Variants in MED27 observed in about 807,000 individuals in gnomAD.
MED27 encodes the protein mediator of RNA polymerase II transcription subunit 27.
Under a neutral mutation model 38.2 loss-of-function variants are expected in MED27, and 30 were observed. That is an observed-to-expected ratio of 0.79 (90% confidence interval 0.59 to 1.07). MED27 has a LOEUF of 1.07. Among genes scored for constraint, MED27 ranks in the 50% least tolerant of loss-of-function variants. MED27 has a pLI of 0.00. For missense variants in MED27, 289 were observed against 397.5 expected, an observed-to-expected ratio of 0.73 and a Z score of 2.32; for synonymous variants, 122 against 153.5, an observed-to-expected ratio of 0.79 and a Z score of 1.52.
chr9:132,018,850 G>C (rs1832659194), intron 2 of MED27, among the ~76,000 whole-genome samples: 1 of 151,966 alleles, frequency 6.6e-6, no homozygotes, highest in African/African-American at 2.4e-5. Context: ...ATTCACCAAA[G>C]GCTTCTTTAA....
chr9:132,071,735 T>C (rs9411439), intron 2 of MED27, among the ~76,000 whole-genome samples: 111,139 of 151,210 alleles, frequency 0.73, 41,814 homozygotes, highest in Middle Eastern at 0.82. Flanking sequence ...ATACGAGTAA[T>C]GCACGTCCAT....
chr9:131,860,627 G>C lies in MED27; in HGVS notation c.847C>G (p.Arg283Gly). 2 of 1,612,338 alleles carry C rather than the reference G, an allele frequency of 1.2e-6. No homozygotes were observed. The highest frequency in any genetic ancestry group is 1.7e-6 in the Non-Finnish European group (2 of 1,179,334). ...YIKLFQAPCQRCGKFLQDGLP... is the reference protein window; with the variant it reads ...YIKLFQAPCQGCGKFLQDGLP... ...CCGTCCTGCAGAAACTTCCCGCAGC[G>C]CTGGCACGGGGCCTGGAACAGCTTT... Residue 283 changes from arginine (R) to glycine (G), a missense_variant, in exon 8 of 8, where the codon CGC (arginine) becomes GGC (glycine). By Grantham distance (125) the Arg-to-Gly change is moderately radical. Coordinates refer to ENST00000292035, the MANE Select transcript of MED27 (RefSeq NM_004269.4). The surrounding 1 kb of genome is among the most constrained non-coding windows in gnomAD (Gnocchi z 5.8).
In MED27 at chr9:131,917,627, G is replaced by T. The variant is rs1468642843; in HGVS notation, c.573+21754C>A. ...CAGGAAGAATGCATGTGGCATTGTG[G>T]GTGACAATGGGGATGCCACCCGCAA... On this transcript the variant is annotated intron_variant, in intron 4 of 7. Coordinates refer to ENST00000292035, the MANE Select transcript of MED27 (RefSeq NM_004269.4). The surrounding 1 kb of genome is among the most constrained non-coding windows in gnomAD (Gnocchi z 4.6). Among the ~76,000 whole-genome samples, 1 of 152,194 alleles carries T rather than the reference G, an allele frequency of 6.6e-6. No homozygotes were observed. The highest frequency in any genetic ancestry group is 1.9e-4 in the East Asian group (1 of 5,192).
chr9:132,050,557 T>C (rs1833442545), intron 2 of MED27, among the ~76,000 whole-genome samples: 1 of 152,144 alleles, frequency 6.6e-6, no homozygotes, highest in South Asian at 2.1e-4. Context: ...GAGTAGGAAA[T>C]CAATATAAGT....
chr9:132,037,127 TAAC>T (rs1833095830), intron 2 of MED27, among the ~76,000 whole-genome samples: 1 of 152,160 alleles, frequency 6.6e-6, no homozygotes, highest in East Asian at 1.9e-4. Context: ...AGGATGGCAG[TAAC>T]AACAGATGCT....
chr9:131,984,773 G>A (rs971796014), intron 3 of MED27, among the ~76,000 whole-genome samples: 3 of 152,140 alleles, frequency 2.0e-5, no homozygotes, highest in Admixed American at 1.3e-4. Context: ...TTCTCCTGGC[G>A]CTTCCTGACA....
At chr9:131,918,701 G>A (rs1361148029) in intron 4 of MED27, among the ~76,000 whole-genome samples, 1 of 151,408 alleles carries the variant, frequency 6.6e-6, no homozygotes, top group Admixed American at 6.6e-5. Flanking sequence ...TCCTGTACGC[G>A]GCCATTTTCT....
Position 131,939,481 on chromosome 9 carries a change from G to A in MED27, c.480-7C>T. ...GATCACATCATCAACATATCTACAT[G>A]GGAAAAAAATAAACATGTGTGAACT... On this transcript the variant is annotated splice_region_variant and splice_polypyrimidine_tract_variant and intron_variant, in intron 3 of 7. Coordinates refer to ENST00000292035, the MANE Select transcript of MED27 (RefSeq NM_004269.4). 1 of 1,585,518 alleles carries A rather than the reference G, an allele frequency of 6.3e-7. No individual in the cohort carries two copies. Among genetic ancestry groups the A allele is most frequent in the Non-Finnish European group, 8.6e-7 (1 of 1,165,140 alleles).
chr9:132,052,513 G>A (rs1833484841), intron 2 of MED27, among the ~76,000 whole-genome samples: 1 of 152,136 alleles, frequency 6.6e-6, no homozygotes, highest in South Asian at 2.1e-4. Context: ...CACAGGTGCA[G>A]TGAGAGTTTC....
At chr9:131,928,112 C>A (rs954535165) in intron 4 of MED27, among the ~76,000 whole-genome samples, 2 of 152,190 alleles carry the variant, frequency 1.3e-5, no homozygotes, top group African/African-American at 4.8e-5. Flanking sequence ...TACTGTAGAA[C>A]CAAGGCTGTT....
At chr9:132,043,074 T>C (rs1833254538) in intron 2 of MED27, among the ~76,000 whole-genome samples, 1 of 152,110 alleles carries the variant, frequency 6.6e-6, no homozygotes. Context: ...AAAATTTAAA[T>C]GACTCTTCAG....
At chr9:132,028,317 GGC>G (rs1231591496) in intron 2 of MED27, among the ~76,000 whole-genome samples, 5 of 152,118 alleles carry the variant, frequency 3.3e-5, no homozygotes, top group Non-Finnish European at 5.9e-5. Flanking sequence ...TAGTAAAGCT[GGC>G]TAGGTATTAC....
chr9:132,008,717 G>A (rs973036167), intron 3 of MED27, among the ~76,000 whole-genome samples: 1 of 152,178 alleles, frequency 6.6e-6, no homozygotes, highest in African/African-American at 2.4e-5. Context: ...GCACAGTTGG[G>A]CAGAACTAGT....
intron 4 of MED27, among the ~76,000 whole-genome samples, chr9:131,933,462 G>A (rs889288009): frequency 9.9e-5 from 15 of 151,800 alleles, no homozygotes; most frequent in South Asian, 8.3e-4. Context: ...TGCTAAGAGC[G>A]AACAATATGA....
intron 3 of MED27, among the ~76,000 whole-genome samples, chr9:132,000,816 G>A (rs1832213324): frequency 6.6e-6 from 1 of 151,460 alleles, no homozygotes; most frequent in Non-Finnish European, 1.5e-5. Flanking sequence ...GAACTCCTGG[G>A]CTCAAGTGCT....
chr9:132,012,193 C>A (rs1030602041), intron 3 of MED27, among the ~76,000 whole-genome samples: 3 of 152,204 alleles, frequency 2.0e-5, no homozygotes, highest in African/African-American at 7.2e-5. Flanking sequence ...CATCTTGCCT[C>A]AGTAGACAAT....
chr9:131,959,613 T>C (rs1831174190), intron 3 of MED27, among the ~76,000 whole-genome samples: 1 of 152,190 alleles, frequency 6.6e-6, no homozygotes. Flanking sequence ...CCAGCTCTAG[T>C]CAGTTCGATA....
At chr9:131,876,772 G>A (rs1010459005) in intron 6 of MED27, among the ~76,000 whole-genome samples, 1 of 152,128 alleles carries the variant, frequency 6.6e-6, no homozygotes, top group Non-Finnish European at 1.5e-5. Context: ...GCGGGCTCAC[G>A]CACAAATCTC....
intron 2 of MED27, among the ~76,000 whole-genome samples, chr9:132,031,076 G>A (rs1333552201): frequency 6.6e-6 from 1 of 152,240 alleles, no homozygotes; most frequent in Non-Finnish European, 1.5e-5. Context: ...GGGGACACTC[G>A]GTGGCCTGGA....
Sources: allele counts gnomAD v4.1 joint callset (sites outside exome capture counted in the v4.1 genomes callset), GRCh38; gene constraint gnomAD v4.1.1; non-coding constraint Gnocchi (gnomAD v3.1); transcripts MANE v1.5; gene names NCBI Gene and HGNC (gene_info 2026-07-23, HGNC 2026-07-21).